MPHOSPH10: variants seen among roughly 807,000 people sequenced by gnomAD.
MPHOSPH10 encodes M-phase phosphoprotein 10, also known as U3 small nucleolar ribonucleoprotein MPP10.
MPHOSPH10 carries 33 observed loss-of-function variants against 77.3 expected under a neutral mutation model. The ratio of observed to expected loss-of-function variants is 0.43; its 90% CI spans 0.32 to 0.57. The LOEUF (loss-of-function observed/expected upper bound fraction) is 0.57, where lower values mean the gene tolerates loss of function less well. Ranked by LOEUF, MPHOSPH10 falls within the 20% of genes least tolerant of loss-of-function variation. The pLI, the probability that MPHOSPH10 is intolerant of heterozygous loss-of-function variation, is 0.07. For synonymous variants in MPHOSPH10, 245 were observed against 268.0 expected, an observed-to-expected ratio of 0.91 and a Z score of 0.84; for missense variants, 708 against 780.1, an observed-to-expected ratio of 0.91 and a Z score of 1.10.
At chr2:71,132,822 G>GT (rs140178097) in intron 1 of MPHOSPH10, 76 bp from the exon 2 acceptor site, 60 of 1,476,172 alleles carry the variant, frequency 4.1e-5, no homozygotes, top group Middle Eastern at 2.5e-4. Flanking sequence ...AAAGAGTTGG[G>GT]TTTTTTTTAT....
intron 4 of MPHOSPH10, among the ~76,000 whole-genome samples, chr2:71,137,172 T>A (rs1486741497): frequency 1.3e-5 from 2 of 152,120 alleles, no homozygotes; most frequent in African/African-American, 2.4e-5. Context: ...ATTTCTAATT[T>A]TTTTTTTCAC....
At chr2:71,130,919 A>C in intron 1 of MPHOSPH10, 165 bp downstream of exon 1, 1 of 643,484 alleles carries the variant, frequency 1.6e-6, no homozygotes. Flanking sequence ...AAATTTTAAA[A>C]ACTGTTAAAA....
At chr2:71,132,864 G>A (rs780238584) in intron 1 of MPHOSPH10, 34 bp from the exon 2 acceptor site, 1 of 1,537,046 alleles carries the variant, frequency 6.5e-7, no homozygotes, top group Admixed American at 2.1e-5. Flanking sequence ...ATTATTACCT[G>A]TAATTCTAAA....
At position 71,144,537 on chromosome 2, in the gene MPHOSPH10, C is replaced by A; in HGVS notation, c.1556C>A (p.Pro519Gln). 1.2e-6 allele frequency: 2 copies of A among 1,606,726 alleles called. No homozygotes were observed. Among genetic ancestry groups the A allele is most frequent in the African/African-American group, 2.7e-5 (2 of 74,870 alleles). ...TCAAACTTCCACTTTATCCCTAAAC[C>A]GGTAAGTGTGTTAACAGTTCAGTGT... ...ALSNFHFIPK[P>Q]PVPEIKVVSN... is the part of the protein sequence containing the mutation. Residue 519 changes from proline (P) to glutamine (Q), a missense_variant and splice_region_variant, in exon 8 of 11, where the codon CCG becomes CAG. Around this residue, in one of 3 missense-constraint regions of MPHOSPH10, gnomAD observed 263 missense variants for 320.0 expected, o/e 0.82. Coordinates refer to ENST00000244230, the MANE Select transcript of MPHOSPH10 (RefSeq NM_005791.3).
chr2:71,138,760 C>G, intron 5 of MPHOSPH10, 129 bp downstream of exon 5: 3 of 1,293,272 alleles, frequency 2.3e-6, no homozygotes, highest in Non-Finnish European at 3.3e-6. Context: ...CATGGCTTGG[C>G]ATGGTAGCTC....
At chr2:71,135,526 G>T (rs113629007) in intron 4 of MPHOSPH10, among the ~76,000 whole-genome samples, 6,164 of 151,896 alleles carry the variant, frequency 0.041, 372 homozygotes, top group African/African-American at 0.13. Context: ...CAGCCTGGGC[G>T]ACAGAGTGTG....
At chr2:71,142,413 A>C (rs1016766999) in intron 7 of MPHOSPH10, among the ~76,000 whole-genome samples, 23 of 152,246 alleles carry the variant, frequency 1.5e-4, no homozygotes, top group Non-Finnish European at 5.9e-5. Context: ...TTTGATGACC[A>C]CGAGAATTAA....
At chr2:71,134,890 G>A in intron 4 of MPHOSPH10, 93 bp downstream of exon 4, 1 of 1,034,994 alleles carries the variant, frequency 9.7e-7, no homozygotes, top group Non-Finnish European at 1.4e-6. Flanking sequence ...ATCTTGGCCA[G>A]GTGCAGTGGC....
intron 7 of MPHOSPH10, among the ~76,000 whole-genome samples, chr2:71,143,907 ATTTG>A (rs1473061425): frequency 6.6e-6 from 1 of 152,078 alleles, no homozygotes; most frequent in Non-Finnish European, 1.5e-5. Flanking sequence ...ATGTACATGT[ATTTG>A]TTTGAGTATC....
chr2:71,139,642 C>T (rs888942163), intron 5 of MPHOSPH10, among the ~76,000 whole-genome samples, 153 bp from the exon 6 acceptor site: 2 of 152,186 alleles, frequency 1.3e-5, no homozygotes, highest in African/African-American at 4.8e-5. Flanking sequence ...GTCCCTCTTC[C>T]CCACTTTCTG....
At position 71,139,789 on chromosome 2, in the gene MPHOSPH10, C is replaced by T. The variant is rs776322025; in HGVS notation, c.1241-6C>T. 3 of 1,602,346 alleles carry T rather than the reference C, an allele frequency of 1.9e-6. No homozygotes were observed. Among genetic ancestry groups the T allele is most frequent in the Non-Finnish European group, 1.7e-6 (2 of 1,171,448 alleles). Reference sequence around the variant, plus strand: ...ACCTAATGAATAAACGTTGTATATCCTTTAGCACCTGTGATTACAGAGGAA... The same window carrying T: ...ACCTAATGAATAAACGTTGTATATCTTTTAGCACCTGTGATTACAGAGGAA... On this transcript the variant is annotated splice_polypyrimidine_tract_variant and splice_region_variant and intron_variant, in intron 5 of 10. Transcript: ENST00000244230.
chr2:71,138,534 A>G lies in MPHOSPH10; in HGVS notation c.1143A>G (p.Lys381=), dbSNP rs576247993. ...CTTTAGAAAAAGAGTTGTTAGAAAA[A>G]AAGCCGTGGCAGCTTCAGGGGGAAG... The part of the protein sequence containing the change: ...IASLEKELLE[K]KPWQLQGEVT... The change falls in exon 5 of 11, where the codon AAA becomes AAG. Residue 381 remains lysine (K), a synonymous_variant. Transcript: ENST00000244230. 6.2e-7 allele frequency: 1 copy of G among 1,601,308 alleles called. No individual in the cohort carries two copies. The highest frequency in any genetic ancestry group is 1.3e-5 in the African/African-American group (1 of 74,200).
chr2:71,132,216 C>T (rs971289476), intron 1 of MPHOSPH10, among the ~76,000 whole-genome samples: 3 of 152,216 alleles, frequency 2.0e-5, no homozygotes, highest in Non-Finnish European at 2.9e-5. Context: ...GTACTTTCCT[C>T]CTCCTCCCTC....
At chr2:71,136,609 C>T (rs141746444) in intron 4 of MPHOSPH10, among the ~76,000 whole-genome samples, 145 of 151,986 alleles carry the variant, frequency 9.5e-4, no homozygotes, top group African/African-American at 3.4e-3. Context: ...TGAATTAAAT[C>T]CATGGTTGTC....
At chr2:71,135,770 T>A (rs13001914) in intron 4 of MPHOSPH10, among the ~76,000 whole-genome samples, 4 of 148,340 alleles carry the variant, frequency 2.7e-5, no homozygotes, top group Admixed American at 2.7e-4. Flanking sequence ...TGGCGTGATC[T>A]TAGCTCACTG....
chr2:71,130,850 G>A, intron 1 of MPHOSPH10, 96 bp downstream of exon 1: 3 of 1,180,682 alleles, frequency 2.5e-6, no homozygotes, highest in South Asian at 1.4e-5. Context: ...GGGAAGGTAA[G>A]GGGAAACGTA....
In MPHOSPH10 at chr2:71,149,981, G is replaced by C. The variant is rs780808329; in HGVS notation, c.2012G>C (p.Arg671Thr). The C allele has an allele frequency of 1.4e-6, 2 of 1,451,980 alleles. No individual in the cohort carries two copies. The highest frequency in any genetic ancestry group is 1.9e-6 in the Non-Finnish European group (2 of 1,063,824). 89.9% of individuals were successfully genotyped at this position (1,451,980 alleles called of 1,614,324 possible). A position where few individuals can be genotyped will look rare whatever the true frequency, so the allele number is the denominator to read the frequency against. Reference protein sequence around the residue: ...AKKTEKKKKKRQDISVHKLKL With the variant: ...AKKTEKKKKKTQDISVHKLKL Reference sequence around the variant, plus strand: ...AAAACAGAAAAGAAAAAGAAGAAAAGACAGGATATTTCTGTTCATAAATTA... The same window carrying C: ...AAAACAGAAAAGAAAAAGAAGAAAACACAGGATATTTCTGTTCATAAATTA... Residue 671 changes from arginine (R) to threonine (T), a missense_variant, in exon 11 of 11, where the codon AGA (arginine) becomes ACA (threonine). Arg to Thr is a moderately conservative substitution (Grantham distance 71). Around this residue, in one of 3 missense-constraint regions of MPHOSPH10, gnomAD observed 263 missense variants for 320.0 expected, o/e 0.82. Transcript: ENST00000244230.
In MPHOSPH10 at chr2:71,138,864, G is replaced by C. The variant is rs372387376; in HGVS notation, c.1240+233G>C. ...AGCCTGGCCAACATGGTGAAACCCC[G>C]TCTCTACTAAAAATACAAAAATCAG... On this transcript the variant is annotated intron_variant, in intron 5 of 10. Transcript: ENST00000244230. 4.8e-6 allele frequency: 3 copies of C among 630,182 alleles called. No homozygotes were observed. The African/African-American group carries it at 5.5e-5, about 12-fold the overall frequency. The allele number at this position is 630,182 out of a possible 1,614,324, so 39.0% of individuals were successfully genotyped here.
rs1673752372 is a variant in MPHOSPH10 at position 71,148,085 on chromosome 2, C to T, written c.1644C>T (p.Leu548=). The T allele has an allele frequency of 2.5e-6, 4 of 1,614,012 alleles. No individual in the cohort carries two copies. The highest frequency in any genetic ancestry group is 3.4e-6 in the Non-Finnish European group (4 of 1,179,890). Residue 548 remains leucine, a synonymous_variant, in exon 9 of 11, where the codon CTC becomes CTT. Coordinates refer to ENST00000244230, the MANE Select transcript of MPHOSPH10 (RefSeq NM_005791.3). ...CAGTGAGTGTTAGTGATGCAGCTCT[C>T]CTGGCCCCAGAGGAGATCAAGGTAA... ...VAPVSVSDAA[L]LAPEEIKEKN...
Sources: allele counts gnomAD v4.1 joint callset (sites outside exome capture counted in the v4.1 genomes callset), GRCh38; gene constraint gnomAD v4.1.1; regional missense constraint gnomAD v4.1.1; transcripts MANE v1.5; gene names NCBI Gene and HGNC (gene_info 2026-07-23, HGNC 2026-07-21).